ZC4H2: variants seen among roughly 807,000 people sequenced by gnomAD.
ZC4H2 encodes the protein zinc finger C4H2 domain-containing protein.
For missense variants in ZC4H2, 137 were observed against 173.9 expected (o/e 0.79, Z 1.19); for synonymous variants, 84 against 66.3 (o/e 1.27, Z -1.30).
upstream of ZC4H2, among the ~76,000 whole-genome samples, chrX:64,977,572 C>A (rs755742610): frequency 1.8e-4 from 20 of 111,850 alleles, no homozygotes; most frequent in African/African-American, 5.9e-4. Context: ...GATCTCGGCC[C>A]ACTGCAACCT....
intron 2 of ZC4H2, 108 bp downstream of exon 2, chrX:64,921,709 T>A: frequency 1.1e-6 from 1 of 884,754 alleles, no homozygotes; most frequent in Non-Finnish European, 1.6e-6. Flanking sequence ...CCTGCACTGA[T>A]GCCTGCTCCC....
chrX:65,008,897 T>C (rs1304708674), intron 1 of ZC4H2, among the ~76,000 whole-genome samples: 1 of 111,293 alleles, frequency 9.0e-6, no homozygotes, highest in African/African-American at 3.3e-5. Flanking sequence ...TAGTGTTTGG[T>C]AGCACAATAG....
chrX:64,999,517 T>A (rs1181332900), intron 1 of ZC4H2, among the ~76,000 whole-genome samples: 1 of 112,342 alleles, frequency 8.9e-6, no homozygotes, highest in Non-Finnish European at 1.9e-5. Context: ...GGGTGGCTGT[T>A]TGGGCAGACA....
At chrX:64,943,419 T>A (rs1294238832) in intron 1 of ZC4H2, among the ~76,000 whole-genome samples, 6 of 111,646 alleles carry the variant, frequency 5.4e-5, no homozygotes, top group Admixed American at 4.8e-4. Flanking sequence ...ATGTCTAACA[T>A]TGAGAGTGGG....
At chrX:64,954,316 AAT>A (rs1931030281) in intron 1 of ZC4H2, among the ~76,000 whole-genome samples, 2 of 68,703 alleles carry the variant, frequency 2.9e-5, no homozygotes, top group African/African-American at 3.5e-4. Flanking sequence ...CTTAAAGTAT[AAT>A]TATATATATA....
At chrX:64,940,685 C>T (rs5964403) in intron 1 of ZC4H2, among the ~76,000 whole-genome samples, 26,299 of 110,334 alleles carry the variant, frequency 0.24, 7,608 homozygotes, top group African/African-American at 0.82. Context: ...TTTTGTCAGA[C>T]TGGTGAAAGA....
chrX:64,979,896 A>G (rs980298014), upstream of ZC4H2, among the ~76,000 whole-genome samples: 5 of 111,891 alleles, frequency 4.5e-5, no homozygotes, highest in African/African-American at 1.3e-4. Context: ...GGTTAATACC[A>G]TTAAAATGCA....
At chrX:65,000,207 T>A (rs1257084498) in intron 1 of ZC4H2, among the ~76,000 whole-genome samples, 1 of 111,775 alleles carries the variant, frequency 8.9e-6, no homozygotes, top group Non-Finnish European at 1.9e-5. Context: ...GGCTGGCATC[T>A]GGTGGGTGCC....
Position 64,949,324 on chromosome X carries a change from T to C in ZC4H2, c.53+27001A>G, listed in dbSNP as rs148934318. ...TTTGGAAAGCTAAGGTTTCTGCCTA[T>C]CAATGACTAACAGTTTTTGCCTTCT... On this transcript the variant is annotated intron_variant, in intron 1 of 4. Coordinates refer to ENST00000374839, the MANE Select transcript of ZC4H2 (RefSeq NM_018684.4). 5.6e-3 allele frequency among the ~76,000 whole-genome samples: 623 copies of C among 112,235 alleles called. 3 individuals carry two copies. Among genetic ancestry groups the C allele is most frequent in the Admixed American group, 8.6e-3 (91 of 10,531 alleles).
chrX:64,973,052 G>C, intron 1 of ZC4H2, among the ~76,000 whole-genome samples: 1 of 111,306 alleles, frequency 9.0e-6, no homozygotes, highest in Non-Finnish European at 1.9e-5. Flanking sequence ...CCATCTCTAG[G>C]AATTTTCTTT....
intron 1 of ZC4H2, among the ~76,000 whole-genome samples, chrX:64,982,116 G>A (rs768550463): frequency 3.6e-5 from 4 of 111,403 alleles, no homozygotes; most frequent in Non-Finnish European, 3.8e-5. Context: ...TATTATAAAA[G>A]CAGTCTAGTG....
chrX:64,941,785 T>G (rs2147375311), intron 1 of ZC4H2, among the ~76,000 whole-genome samples: 1 of 112,105 alleles, frequency 8.9e-6, no homozygotes, highest in South Asian at 3.7e-4. Flanking sequence ...TGCTGCTGGA[T>G]TCGGTTTGCC....
chrX:64,949,898 T>C (rs1930714052), intron 1 of ZC4H2, among the ~76,000 whole-genome samples: 1 of 111,635 alleles, frequency 9.0e-6, no homozygotes, highest in Admixed American at 9.6e-5. Context: ...AGCTTTTGAA[T>C]GTGTTTGCTT....
intron 1 of ZC4H2, among the ~76,000 whole-genome samples, chrX:65,001,614 G>A (rs1932536698): frequency 9.0e-6 from 1 of 111,660 alleles, no homozygotes; most frequent in African/African-American, 3.3e-5. Flanking sequence ...AAATGTAAAC[G>A]GGTTAAATGC....
intron 1 of ZC4H2, among the ~76,000 whole-genome samples, chrX:65,017,969 C>G (rs768666067): frequency 6.3e-4 from 70 of 111,507 alleles, no homozygotes; most frequent in African/African-American, 2.2e-3. Flanking sequence ...GAGAATTCTA[C>G]CACTGAACCA....
rs1195300095 is a variant in ZC4H2 at position 64,925,279 on chromosome X, G to C, written c.54-3291C>G. Among the ~76,000 whole-genome samples the C allele has an allele frequency of 9.0e-5, 10 of 111,610 alleles. No individual in the cohort carries two copies. The Admixed American group carries it at 9.5e-4, about 11-fold the overall frequency. ...TAATCATTAGTGGGAGAATGGGAAG[G>C]GAATAAAGGTTGAAAAATTACCTAT... On this transcript the variant is annotated intron_variant, in intron 1 of 4. Coordinates refer to ENST00000374839, the MANE Select transcript of ZC4H2 (RefSeq NM_018684.4).
intron 1 of ZC4H2, among the ~76,000 whole-genome samples, chrX:65,019,131 C>T (rs1246610893): frequency 8.9e-6 from 1 of 111,831 alleles, no homozygotes; most frequent in African/African-American, 3.3e-5. Flanking sequence ...AATGCCCCTG[C>T]CTGACAGCTC....
At chrX:64,964,029 C>T (rs1016361646) in intron 1 of ZC4H2, among the ~76,000 whole-genome samples, 2 of 110,491 alleles carry the variant, frequency 1.8e-5, no homozygotes, top group African/African-American at 6.6e-5. Flanking sequence ...TTGCTAGGAA[C>T]TGAAGGAGGG....
rs772033310 is a variant in ZC4H2 at position 64,937,318 on chromosome X, A to T, written c.54-15330T>A. On this transcript the variant is annotated intron_variant, in intron 1 of 4. Transcript: ENST00000374839. ...CTTAGAGACCTGCAAAGAAACACAGACTCCCACACAATAATAGTGGGAGAC... is the reference window on the plus strand; with the variant it reads ...CTTAGAGACCTGCAAAGAAACACAGTCTCCCACACAATAATAGTGGGAGAC... Among the ~76,000 whole-genome samples the T allele has an allele frequency of 6.3e-5, 7 of 110,972 alleles. No homozygotes were observed. In the South Asian group the frequency reaches 1.2e-3, roughly 18 times the overall value.
Sources: gnomAD v4.1 joint callset for allele counts (sites outside exome capture counted in the v4.1 genomes callset) on GRCh38, gnomAD v4.1.1 for gene constraint, MANE v1.5 for transcripts, NCBI Gene and HGNC (gene_info 2026-07-23, HGNC 2026-07-21) for gene names.